ITSN2: variants seen among roughly 807,000 people sequenced by gnomAD.
ITSN2 encodes the protein intersectin-2.
Under a neutral mutation model 243.7 loss-of-function variants are expected in ITSN2, and 156 were observed. The ratio of observed to expected loss-of-function variants is 0.64; its 90% CI spans 0.56 to 0.73. The LOEUF is 0.73. ITSN2 is among the 30% of genes least tolerant of loss of function. The pLI is 0.00. For synonymous variants in ITSN2, 703 were observed against 699.9 expected (o/e 1.00, Z -0.07); for missense variants, 1,801 against 1,996.1 (o/e 0.90, Z 1.86).
At position 24,220,230 on chromosome 2, in the gene ITSN2, C is replaced by T. The variant is rs141102324; in HGVS notation, c.3699+715G>A. On this transcript the variant is annotated intron_variant, in intron 30 of 39. Coordinates refer to ENST00000355123, the MANE Select transcript of ITSN2 (RefSeq NM_006277.3). ...TTGGGTGTGTGGGGGTAGGGGACGC[C>T]TGTTCTTTTCAGGTGGTTTGTTAAT... 370 of 690,688 alleles carry T rather than the reference C, an allele frequency of 5.4e-4. No homozygotes were observed. In the African/African-American group the frequency reaches 6.8e-3, roughly 13 times the overall value. The allele number at this position is 690,688 out of a possible 1,614,324, so 42.8% of individuals were successfully genotyped here.
chr2:24,237,062 GCACA>G (rs1369546157), intron 29 of ITSN2, among the ~76,000 whole-genome samples: 1 of 152,034 alleles, frequency 6.6e-6, no homozygotes, highest in East Asian at 1.9e-4. Flanking sequence ...GGCAATATCA[GCACA>G]CTAGTGTAGA....
rs946681788 is a variant in ITSN2 at position 24,248,612 on chromosome 2, T to C, written c.3288+17A>G. 3.8e-6 allele frequency: 6 copies of C among 1,568,120 alleles called. No homozygotes were observed. The East Asian group carries it at 1.1e-4, about 29-fold the overall frequency. On this transcript the variant is annotated intron_variant, in intron 27 of 39. Transcript: ENST00000355123. Reference sequence around the variant, plus strand: ...CTTTTATAATAAAATTTATAGATGCTATTTAAAGAATATTACCTGTAACTC... The same window carrying C: ...CTTTTATAATAAAATTTATAGATGCCATTTAAAGAATATTACCTGTAACTC...
At chr2:24,209,563 T>C (rs1269784483) in intron 35 of ITSN2, among the ~76,000 whole-genome samples, 1 of 152,150 alleles carries the variant, frequency 6.6e-6, no homozygotes, top group Non-Finnish European at 1.5e-5. Context: ...ATGCACACAG[T>C]GGTGAGCCCA....
chr2:24,246,872 T>C lies in ITSN2; in HGVS notation c.3310A>G (p.Lys1104Glu). 3 of 1,612,694 alleles carry C rather than the reference T, an allele frequency of 1.9e-6. No homozygotes were observed. Among genetic ancestry groups the C allele is most frequent in the Non-Finnish European group, 2.5e-6 (3 of 1,179,208 alleles). Reference sequence around the variant, plus strand: ...ACATGACTGGCAGGAAACCATCCTTTCTGTCGCTTTTTTCCTCTGGCCTAA... The same window carrying C: ...ACATGACTGGCAGGAAACCATCCTTCCTGTCGCTTTTTTCCTCTGGCCTAA... ...ELQARGKKRQ[K>E]GWFPASHVKL... Residue 1104 changes from lysine to glutamate, a missense_variant, in exon 28 of 40, where the codon AAA (lysine) becomes GAA (glutamate). Physicochemically the swap from Lys to Glu is moderately conservative, Grantham distance 56. Transcript: ENST00000355123.
intron 29 of ITSN2, among the ~76,000 whole-genome samples, chr2:24,235,608 C>T (rs566991757): frequency 3.1e-4 from 47 of 152,162 alleles, no homozygotes; most frequent in Non-Finnish European, 6.0e-4. Context: ...TCTGTGTCTT[C>T]CTCTCAATTT....
At chr2:24,324,997 A>G (rs1420362614) in intron 2 of ITSN2, among the ~76,000 whole-genome samples, 2 of 152,126 alleles carry the variant, frequency 1.3e-5, no homozygotes, top group Non-Finnish European at 2.9e-5. Flanking sequence ...CAAGAGAATA[A>G]AAATGTTCTA....
intron 5 of ITSN2, chr2:24,311,483 A>G (rs748130143): frequency 6.0e-6 from 1 of 166,648 alleles, no homozygotes; most frequent in Non-Finnish European, 1.5e-5. Context: ...CCTGGACTCA[A>G]GCAATCCTAC....
Position 24,257,902 on chromosome 2 carries a change from T to G in ITSN2, c.2874A>C (p.Glu958Asp). Residue 958 changes from glutamate to aspartate, a missense_variant, in exon 23 of 40, where the codon GAA becomes GAC. Physicochemically the swap from Glu to Asp is conservative, Grantham distance 45. Coordinates refer to ENST00000355123, the MANE Select transcript of ITSN2 (RefSeq NM_006277.3). ...KSYVKIIPGS[E>D]VKREEPEALY... is the part of the protein sequence containing the mutation. Reference sequence around the variant, plus strand: ...AAGATGCTTACTCTTCCCGTTTTACTTCACTCCCAGGAATGATCTTGACAT... The same window carrying G: ...AAGATGCTTACTCTTCCCGTTTTACGTCACTCCCAGGAATGATCTTGACAT... 3 of 1,613,492 alleles carry G rather than the reference T, an allele frequency of 1.9e-6. No homozygotes were observed. Among genetic ancestry groups the G allele is most frequent in the Non-Finnish European group, 2.5e-6 (3 of 1,179,394 alleles).
intron 17 of ITSN2, 150 bp from the exon 18 acceptor site, chr2:24,275,999 A>AT: frequency 1.8e-6 from 1 of 541,388 alleles, no homozygotes; most frequent in Non-Finnish European, 3.1e-6. Context: ...TATCTAGATG[A>AT]TAAAAAAAAC....
chr2:24,272,831 A>G (rs1677536891), intron 18 of ITSN2, among the ~76,000 whole-genome samples: 2 of 152,160 alleles, frequency 1.3e-5, no homozygotes, highest in Admixed American at 6.5e-5. Flanking sequence ...AAACATTTCA[A>G]TGAAATCTAA....
At chr2:24,230,635 GT>G (rs1671490395) in intron 29 of ITSN2, among the ~76,000 whole-genome samples, 1 of 152,084 alleles carries the variant, frequency 6.6e-6, no homozygotes, top group South Asian at 2.1e-4. Context: ...GGGCATGGTG[GT>G]GGGCACTTGT....
intron 1 of ITSN2, among the ~76,000 whole-genome samples, chr2:24,357,537 T>G (rs1339890689): frequency 6.6e-6 from 1 of 152,058 alleles, no homozygotes; most frequent in Non-Finnish European, 1.5e-5. Flanking sequence ...ACCACCACGG[T>G]GCACGTATAC....
At chr2:24,247,625 C>A (rs1323413489) in intron 27 of ITSN2, among the ~76,000 whole-genome samples, 4 of 152,170 alleles carry the variant, frequency 2.6e-5, no homozygotes, top group Non-Finnish European at 5.9e-5. Flanking sequence ...CTAAAACATG[C>A]ATCTCAAACT....
chr2:24,255,559 T>C (rs1039590174), intron 23 of ITSN2, among the ~76,000 whole-genome samples: 61 of 152,180 alleles, frequency 4.0e-4, no homozygotes, highest in African/African-American at 1.4e-3. Context: ...ACACAGGAGG[T>C]AGAAGTTGCA....
At chr2:24,218,486 T>C (rs1427007936) in intron 30 of ITSN2, among the ~76,000 whole-genome samples, 1 of 152,186 alleles carries the variant, frequency 6.6e-6, no homozygotes, top group Non-Finnish European at 1.5e-5. Context: ...GTTTTAGAAG[T>C]TGGCTGCTGA....
intron 17 of ITSN2, among the ~76,000 whole-genome samples, 193 bp from the exon 18 acceptor site, chr2:24,276,042 A>G (rs1677973405): frequency 6.6e-6 from 1 of 152,240 alleles, no homozygotes; most frequent in Admixed American, 6.5e-5. Context: ...CTCCTGAGAT[A>G]AACACATTAA....
chr2:24,299,582 T>G (rs1681464910), intron 12 of ITSN2, among the ~76,000 whole-genome samples: 1 of 152,210 alleles, frequency 6.6e-6, no homozygotes, highest in Non-Finnish European at 1.5e-5. Context: ...ATCTTAAACT[T>G]GCTTTCGTCT....
At position 24,271,804 on chromosome 2, in the gene ITSN2, C is replaced by T. The variant is rs533253036; in HGVS notation, c.2219G>A (p.Arg740His). 4.6e-5 allele frequency: 74 copies of T among 1,605,824 alleles called. No homozygotes were observed. In the South Asian group the frequency reaches 6.9e-4, roughly 15 times the overall value. ...EEERKAEEKQRKDKDTLKAEE... is the reference protein window; with the variant it reads ...EEERKAEEKQHKDKDTLKAEE... ...AGCTTTCAAAGTATCCTTATCCTTA[C>T]GTTGTTTCTCCTCAGCTTTCCGTTC... The change falls in exon 19 of 40, where the codon CGT (arginine) becomes CAT (histidine). Residue 740 changes from arginine to histidine, a missense_variant. Transcript: ENST00000355123.
chr2:24,347,979 G>A (rs1215590762), intron 1 of ITSN2, among the ~76,000 whole-genome samples: 6 of 151,952 alleles, frequency 3.9e-5, no homozygotes, highest in African/African-American at 1.2e-4. Flanking sequence ...AGGAAACTGA[G>A]GTGGGAGGAT....
Sources: gnomAD v4.1 joint callset for allele counts (sites outside exome capture counted in the v4.1 genomes callset) on GRCh38, gnomAD v4.1.1 for gene constraint, MANE v1.5 for transcripts, NCBI Gene and HGNC (gene_info 2026-07-23, HGNC 2026-07-21) for gene names.